The following DMD variants were observed in gnomAD, a reference collection of about 807,000 sequenced individuals.
The protein encoded by DMD is mutant dystrophin.
A neutral mutation model predicts 330.1 loss-of-function variants in DMD; 63 were observed. That is an observed-to-expected ratio of 0.19 (90% CI 0.16 to 0.24). The LOEUF (loss-of-function observed/expected upper bound fraction) is 0.24, where lower values mean the gene tolerates loss of function less well. Among genes scored for constraint, DMD ranks in the 10% least tolerant of loss-of-function variants. The pLI, the probability that DMD is intolerant of heterozygous loss-of-function variation, is 1.00. For missense variants in DMD, 3,344 were observed against 2,684.1 expected, an observed-to-expected ratio of 1.25 and a Z score of -5.43; for synonymous variants, 1,223 against 959.8, an observed-to-expected ratio of 1.27 and a Z score of -5.07.
At chrX:31,618,903 T>C (rs1309700303) in intron 55 of DMD, among the ~76,000 whole-genome samples, 1 of 111,171 alleles carries the variant, frequency 9.0e-6, no homozygotes. Context: ...AAAAAATTGA[T>C]ATCCATAACA....
chrX:32,365,320 A>C, intron 34 of DMD, 121 bp from the exon 35 acceptor site: 2 of 654,287 alleles, frequency 3.1e-6, no homozygotes, highest in South Asian at 5.3e-5. Flanking sequence ...ATAACTATGT[A>C]TTAATGAATC....
intron 74 of DMD, among the ~76,000 whole-genome samples, chrX:31,161,833 C>A (rs1261529891): frequency 1.8e-5 from 2 of 111,341 alleles, no homozygotes; most frequent in Non-Finnish European, 3.8e-5. Context: ...GGATAAAACC[C>A]AAACTCCTTA....
chrX:32,464,197 C>A (rs1416026372), intron 24 of DMD, among the ~76,000 whole-genome samples: 1 of 111,539 alleles, frequency 9.0e-6, no homozygotes, highest in African/African-American at 3.3e-5. Context: ...GATTCTTTAC[C>A]TTTAAATTAT....
At chrX:31,566,083 A>G (rs2075449238) in intron 55 of DMD, among the ~76,000 whole-genome samples, 1 of 111,091 alleles carries the variant, frequency 9.0e-6, no homozygotes, top group African/African-American at 3.3e-5. Flanking sequence ...ATCCTCCCTC[A>G]CAGGTCTTTT....
intron 56 of DMD, among the ~76,000 whole-genome samples, chrX:31,501,877 G>A (rs1344071409): frequency 1.8e-5 from 2 of 111,013 alleles, no homozygotes; most frequent in East Asian, 5.6e-4. Context: ...AGAAAAGGGA[G>A]GAATGCAGAA....
chrX:31,126,797 C>T (rs58004744), intron 77 of DMD, 124 bp from the exon 78 acceptor site: 2 of 301,338 alleles, frequency 6.6e-6, no homozygotes, highest in Non-Finnish European at 1.1e-5. Context: ...CATTTATTCT[C>T]TGCTGGAAAA....
intron 1 of DMD, among the ~76,000 whole-genome samples, chrX:33,163,632 C>CTATCTATGTATCTATGTATG (rs1429986574): frequency 4.8e-5 from 5 of 104,056 alleles, no homozygotes; most frequent in Admixed American, 1.1e-4. Flanking sequence ...ATCTATCTAT[C>CTATCTATGTATCTATGTATG]TATCTATCTA....
rs773928426 is a variant in DMD, at chrX:32,427,546, G to T, written c.4071+10695C>A. ...TCCAGTTGGCCAATAATTTGTTTCAGAACTTTTCCTTATTAATTTATGACT... is the reference window on the plus strand; with the variant it reads ...TCCAGTTGGCCAATAATTTGTTTCATAACTTTTCCTTATTAATTTATGACT... On this transcript the variant is annotated intron_variant, in intron 29 of 78. Coordinates refer to ENST00000357033, the MANE Select transcript of DMD (RefSeq NM_004006.3). Among the ~76,000 whole-genome samples the T allele has an allele frequency of 4.5e-5, 5 of 109,971 alleles. No individual in the cohort carries two copies. In the South Asian group the frequency reaches 1.9e-3, roughly 42 times the overall value.
chrX:31,469,080 T>G (rs138197682), intron 59 of DMD, among the ~76,000 whole-genome samples: 452 of 111,233 alleles, frequency 4.1e-3, no homozygotes, highest in African/African-American at 0.014. Flanking sequence ...ATGAGGTGGG[T>G]CTTCTGAATA....
intron 41 of DMD, among the ~76,000 whole-genome samples, chrX:32,319,085 C>A (rs1424521610): frequency 3.6e-5 from 4 of 111,379 alleles, no homozygotes; most frequent in African/African-American, 1.3e-4. Flanking sequence ...TAAAGTCTTT[C>A]GTTTCAAAGG....
chrX:32,953,443 T>TA (rs1454699203), intron 2 of DMD, among the ~76,000 whole-genome samples: 6 of 111,946 alleles, frequency 5.4e-5, no homozygotes, highest in Middle Eastern at 4.7e-3. Context: ...AATGATTCTT[T>TA]AAAAAAATGA....
At chrX:31,540,886 A>T (rs1206950894) in intron 55 of DMD, among the ~76,000 whole-genome samples, 2 of 112,334 alleles carry the variant, frequency 1.8e-5, no homozygotes, top group African/African-American at 6.5e-5. Flanking sequence ...TTTGAAAAAG[A>T]TCTTAATTTC....
chrX:32,902,158 AACACACACACACACACAC>A (rs774414536), intron 2 of DMD, among the ~76,000 whole-genome samples: 2 of 86,639 alleles, frequency 2.3e-5, no homozygotes, highest in Admixed American at 1.3e-4. Context: ...CACACACACA[AACACACACACACACACAC>A]ACACACACAC....
At chrX:33,137,216 A>G (rs2095532890) in intron 1 of DMD, among the ~76,000 whole-genome samples, 1 of 111,384 alleles carries the variant, frequency 9.0e-6, no homozygotes, top group South Asian at 3.8e-4. Flanking sequence ...CAAGATAAAT[A>G]AAACACACTT....
chrX:31,879,061 G>T (rs987123924), intron 47 of DMD, among the ~76,000 whole-genome samples: 4 of 111,641 alleles, frequency 3.6e-5, no homozygotes, highest in African/African-American at 1.3e-4. Context: ...GATGGGTAGG[G>T]TGAGATATTT....
chrX:32,114,590 C>A (rs906613920), intron 44 of DMD, among the ~76,000 whole-genome samples: 6 of 111,778 alleles, frequency 5.4e-5, no homozygotes, highest in Middle Eastern at 4.6e-3. Flanking sequence ...TAATGACAAG[C>A]TTCTACTCAG....
intron 1 of DMD, among the ~76,000 whole-genome samples, chrX:33,261,488 T>C (rs970929777): frequency 9.1e-6 from 1 of 110,223 alleles, no homozygotes; most frequent in South Asian, 3.9e-4. Flanking sequence ...AGAATTAAGA[T>C]CACTGCTTGA....
intron 44 of DMD, among the ~76,000 whole-genome samples, chrX:32,167,213 C>T (rs1371807993): frequency 1.8e-5 from 2 of 112,325 alleles, no homozygotes; most frequent in African/African-American, 6.5e-5. Flanking sequence ...CACTTATAAA[C>T]GAGCTGAAGT....
chrX:31,514,284 T>A (rs1012115959), intron 55 of DMD, among the ~76,000 whole-genome samples: 15 of 111,992 alleles, frequency 1.3e-4, no homozygotes, highest in African/African-American at 4.9e-4. Context: ...TGTACAATTA[T>A]AGAGCAAATT....
Sources: allele counts gnomAD v4.1 joint callset (sites outside exome capture counted in the v4.1 genomes callset), GRCh38; gene constraint gnomAD v4.1.1; transcripts MANE v1.5; gene names NCBI Gene and HGNC (gene_info 2026-07-23, HGNC 2026-07-21).